EMP1: variants seen among roughly 807,000 people sequenced by gnomAD.
EMP1 encodes tumor-associated membrane protein.
A neutral mutation model predicts 15.7 loss-of-function variants in EMP1; 5 were observed. That is an observed-to-expected ratio of 0.32 (90% CI 0.17 to 0.67). EMP1 has a LOEUF of 0.67. Ranked by LOEUF, EMP1 falls within the 30% of genes least tolerant of loss-of-function variation. The pLI is 0.74. For synonymous variants in EMP1, 78 were observed against 76.7 expected (o/e 1.02, Z -0.09); for missense variants, 166 against 194.2 (o/e 0.85, Z 0.86).
At chr12:13,214,078 C>G in intron 4 of EMP1, 1 of 640,808 alleles carries the variant, frequency 1.6e-6, no homozygotes, top group Non-Finnish European at 2.8e-6. Flanking sequence ...CACGTGTGTA[C>G]AAGACACTTC....
Position 13,214,766 on chromosome 12 carries a change from C to T in EMP1, c.*75C>T. The T allele has an allele frequency of 3.3e-6, 4 of 1,211,690 alleles. No individual in the cohort carries two copies. The highest frequency in any genetic ancestry group is 4.3e-6 in the Non-Finnish European group (4 of 929,196). The allele number at this position is 1,211,690 out of a possible 1,614,324, so 75.1% of individuals were successfully genotyped here. A position where few individuals can be genotyped will look rare whatever the true frequency, so the allele number is the denominator to read the frequency against. On this transcript the variant is annotated 3_prime_UTR_variant, in exon 5 of 5. Coordinates refer to ENST00000256951, the MANE Select transcript of EMP1 (RefSeq NM_001423.3). ...GAATCTGGGAGGGAAGTGGAGGTTG[C>T]TGTACAGGAAAAACCGAGATAGGGG... is the stretch of plus-strand genomic sequence containing the variant.
At chr12:13,198,178 G>A (rs1411401571) in intron 1 of EMP1, among the ~76,000 whole-genome samples, 1 of 152,198 alleles carries the variant, frequency 6.6e-6, no homozygotes, top group Non-Finnish European at 1.5e-5. Context: ...CTTTTCTCTT[G>A]TTCCCGAAAT....
chr12:13,203,158 C>G (rs560389173), intron 1 of EMP1, among the ~76,000 whole-genome samples: 1 of 152,108 alleles, frequency 6.6e-6, no homozygotes, highest in African/African-American at 2.4e-5. Flanking sequence ...AGCATGTTGC[C>G]GCCATCTACT....
In EMP1 at chr12:13,219,911, TTAA is replaced by T. The variant is rs1864244227; in HGVS notation, c.*5225_*5227del. On this transcript the variant is annotated 3_prime_UTR_variant, in exon 5 of 5. Coordinates refer to ENST00000256951, the MANE Select transcript of EMP1 (RefSeq NM_001423.3). ...GACTTCTGTAATCTAGCTTGGAAAC[TTAA>T]TAATCATTAAACTTATTTTCAATGA... The T allele has an allele frequency of 6.6e-6, 1 of 152,252 alleles. No homozygotes were observed. The allele number at this position is 152,252 out of a possible 1,614,324, so 9.4% of individuals were successfully genotyped here.
At position 13,219,864 on chromosome 12, in the gene EMP1, T is replaced by A. The variant is rs1319909525; in HGVS notation, c.*5173T>A. ...CCATACGAAAAATTCAGAACTATTTTATTTATGATATGGGCTAAAAAGACT... is the reference window on the plus strand; with the variant it reads ...CCATACGAAAAATTCAGAACTATTTAATTTATGATATGGGCTAAAAAGACT... On this transcript the variant is annotated 3_prime_UTR_variant, in exon 5 of 5. Coordinates refer to ENST00000256951, the MANE Select transcript of EMP1 (RefSeq NM_001423.3). 1 of 152,240 alleles carries A rather than the reference T, an allele frequency of 6.6e-6. No individual in the cohort carries two copies. 9.4% of individuals were successfully genotyped at this position (152,240 alleles called of 1,614,324 possible).
chr12:13,199,116 CA>C, intron 1 of EMP1: 1 of 152,468 alleles, frequency 6.6e-6, no homozygotes. Context: ...TGGGAGTTGG[CA>C]AAAGGCCATC....
At chr12:13,208,006 T>G (rs936195595) in intron 1 of EMP1, among the ~76,000 whole-genome samples, 1 of 152,186 alleles carries the variant, frequency 6.6e-6, no homozygotes, top group African/African-American at 2.4e-5. Context: ...CTCTGCATCT[T>G]GGTTTGCGCT....
At chr12:13,205,134 T>A (rs185322511) in intron 1 of EMP1, among the ~76,000 whole-genome samples, 1 of 152,326 alleles carries the variant, frequency 6.6e-6, no homozygotes, top group Non-Finnish European at 1.5e-5. Flanking sequence ...AGATAGTTCT[T>A]TGGTCAGATT....
chr12:13,216,706 T>C lies in EMP1; in HGVS notation c.*2015T>C. 1 of 404,936 alleles carries C rather than the reference T, an allele frequency of 2.5e-6. No homozygotes were observed. Among genetic ancestry groups the C allele is most frequent in the Non-Finnish European group, 4.4e-6 (1 of 229,628 alleles). The allele number at this position is 404,936 out of a possible 1,614,324, so 25.1% of individuals were successfully genotyped here. The stretch of plus-strand genomic sequence containing the variant: ...CGTTAATAGATTATTTCATATACTA[T>C]AATTGTAAATATTTTGATACAAATG... On this transcript the variant is annotated 3_prime_UTR_variant, in exon 5 of 5. Coordinates refer to ENST00000256951, the MANE Select transcript of EMP1 (RefSeq NM_001423.3).
intron 1 of EMP1, among the ~76,000 whole-genome samples, chr12:13,199,956 T>C (rs1192069912): frequency 7.0e-6 from 1 of 143,462 alleles, no homozygotes; most frequent in Non-Finnish European, 1.5e-5. Flanking sequence ...CTTCTTCTTC[T>C]TCTTCTTCTT....
rs1864218261 is a variant in EMP1, at chr12:13,216,630, T to C, written c.*1939T>C. The C allele has an allele frequency of 1.7e-6, 1 of 604,574 alleles. No homozygotes were observed. The highest frequency in any genetic ancestry group is 2.8e-5 in the East Asian group (1 of 36,260). The allele number at this position is 604,574 out of a possible 1,614,324, so 37.5% of individuals were successfully genotyped here. A position where few individuals can be genotyped will look rare whatever the true frequency, so the allele number is the denominator to read the frequency against. On this transcript the variant is annotated 3_prime_UTR_variant, in exon 5 of 5. Coordinates refer to ENST00000256951, the MANE Select transcript of EMP1 (RefSeq NM_001423.3). ...TTTTTTCTGTGACATTTATGTCTCATGTAATTTGCATTACTCTGGTGGATT... is the reference window on the plus strand; with the variant it reads ...TTTTTTCTGTGACATTTATGTCTCACGTAATTTGCATTACTCTGGTGGATT...
intron 4 of EMP1, 169 bp from the exon 5 acceptor site, chr12:13,214,365 G>A (rs780466092): frequency 2.2e-4 from 186 of 847,686 alleles, no homozygotes; most frequent in South Asian, 3.4e-4. Context: ...TCAACATACC[G>A]TCGAGCTTGG....
chr12:13,216,482 TA>T lies in EMP1; in HGVS notation c.*1792del. The T allele has an allele frequency of 4.3e-6, 3 of 702,198 alleles. No homozygotes were observed. The highest frequency in any genetic ancestry group is 7.8e-6 in the Non-Finnish European group (3 of 384,660). 43.5% of individuals were successfully genotyped at this position (702,198 alleles called of 1,614,324 possible). A position where few individuals can be genotyped will look rare whatever the true frequency, so the allele number is the denominator to read the frequency against. On this transcript the variant is annotated 3_prime_UTR_variant, in exon 5 of 5. Transcript: ENST00000256951. ...TTATGATTTCATTATCACATGATTA[TA>T]GAAGGCTGTCTTAGTGCAAAAAACA... is the stretch of plus-strand genomic sequence containing the variant.
Position 13,215,222 on chromosome 12 carries a change from A to C in EMP1, c.*531A>C, listed in dbSNP as rs1864203884. ...CCTGTGAGCCATTGTCCCTCTTTGG[A>C]ACAGATATTTAGCTCTGTGGAATTC... On this transcript the variant is annotated 3_prime_UTR_variant, in exon 5 of 5. Coordinates refer to ENST00000256951, the MANE Select transcript of EMP1 (RefSeq NM_001423.3). 1 of 154,142 alleles carries C rather than the reference A, an allele frequency of 6.5e-6. No homozygotes were observed. Among genetic ancestry groups the C allele is most frequent in the South Asian group, 2.0e-4 (1 of 4,940 alleles). 9.5% of individuals were successfully genotyped at this position (154,142 alleles called of 1,614,324 possible).
intron 2 of EMP1, among the ~76,000 whole-genome samples, chr12:13,212,432 A>C (rs1864173451): frequency 6.6e-6 from 1 of 152,190 alleles, no homozygotes; most frequent in African/African-American, 2.4e-5. Context: ...GTGAGTTTTA[A>C]AGTTCAGATA....
chr12:13,217,795 C>T lies in EMP1; in HGVS notation c.*3104C>T, dbSNP rs1864227242. The T allele has an allele frequency of 1.3e-5, 2 of 148,224 alleles. No individual in the cohort carries two copies. The highest frequency in any genetic ancestry group is 2.6e-5 in the African/African-American group (1 of 39,212). The allele number at this position is 148,224 out of a possible 1,614,324, so 9.2% of individuals were successfully genotyped here. ...CCAGAGAAACAGAAAAAATAAGATT[C>T]GCGTGTGTGTGCAAACATATATATA... is the stretch of plus-strand genomic sequence containing the variant. On this transcript the variant is annotated 3_prime_UTR_variant, in exon 5 of 5. Coordinates refer to ENST00000256951, the MANE Select transcript of EMP1 (RefSeq NM_001423.3).
chr12:13,202,182 C>T (rs2121145764), intron 1 of EMP1, among the ~76,000 whole-genome samples: 1 of 152,302 alleles, frequency 6.6e-6, no homozygotes, highest in Admixed American at 6.5e-5. Flanking sequence ...TTGGGGACCA[C>T]CCACCCTCAA....
Position 13,211,691 on chromosome 12 carries a change from CT to C in EMP1, c.78+105del. On this transcript the variant is annotated intron_variant, in intron 2 of 4. Transcript: ENST00000256951. This position sits in a 1 kb window ranked among gnomAD's most constrained non-coding sequence, Gnocchi z 4.7. Reference sequence around the variant, plus strand: ...AGCCACAGCCCTTGCCCTTCATGAACTTACAGCTCAGTTGTGGGAAAACAAA... The same window carrying C: ...AGCCACAGCCCTTGCCCTTCATGAACTACAGCTCAGTTGTGGGAAAACAAA... The C allele has an allele frequency of 7.8e-7, 1 of 1,283,124 alleles. No individual in the cohort carries two copies. The allele number at this position is 1,283,124 out of a possible 1,614,324, so 79.5% of individuals were successfully genotyped here.
In EMP1 at chr12:13,211,298, G is replaced by C. The variant is rs148526342; in HGVS notation, c.-42-171G>C. ...GTATAACTGGATGAATAGGCACTTA[G>C]GCAAATCAGAACTAGGTTACAGGGG... On this transcript the variant is annotated intron_variant, in intron 1 of 4. Coordinates refer to ENST00000256951, the MANE Select transcript of EMP1 (RefSeq NM_001423.3). This position sits in a 1 kb window ranked among gnomAD's most constrained non-coding sequence, Gnocchi z 4.7. Among the ~76,000 whole-genome samples the C allele has an allele frequency of 6.6e-6, 1 of 152,310 alleles. No individual in the cohort carries two copies. The highest frequency in any genetic ancestry group is 2.4e-5 in the African/African-American group (1 of 41,560).
Sources: allele counts gnomAD v4.1 joint callset (sites outside exome capture counted in the v4.1 genomes callset), GRCh38; gene constraint gnomAD v4.1.1; non-coding constraint Gnocchi (gnomAD v3.1); transcripts MANE v1.5; gene names NCBI Gene and HGNC (gene_info 2026-07-23, HGNC 2026-07-21).